The following DYRK1A variants were observed in gnomAD, a reference collection of about 807,000 sequenced individuals.
DYRK1A encodes the protein dual specificity tyrosine phosphorylation regulated kinase 1A.
Under a neutral mutation model 79.7 loss-of-function variants are expected in DYRK1A, and 9 were observed. That is an observed-to-expected ratio of 0.11 (90% confidence interval 0.07 to 0.20). The LOEUF is 0.20. DYRK1A is among the 10% of genes least tolerant of loss of function. The probability of loss-of-function intolerance (pLI) is 1.00; values close to 1 mark genes in which losing one functional copy is unlikely to be tolerated. For missense variants in DYRK1A, 622 were observed against 956.0 expected (o/e 0.65, Z 4.61); for synonymous variants, 349 against 329.7 (o/e 1.06, Z -0.63).
chr21:37,396,590 T>C (rs926719494), intron 1 of DYRK1A, among the ~76,000 whole-genome samples: 1 of 152,084 alleles, frequency 6.6e-6, no homozygotes, highest in African/African-American at 2.4e-5. Flanking sequence ...TAGCGTAATA[T>C]TGAGGGAAAA....
chr21:37,468,018 C>G (rs1007463329), intron 2 of DYRK1A, among the ~76,000 whole-genome samples: 1 of 152,178 alleles, frequency 6.6e-6, no homozygotes, highest in Non-Finnish European at 1.5e-5. Flanking sequence ...CTATAGAGAT[C>G]AATGCAATTT....
intron 2 of DYRK1A, among the ~76,000 whole-genome samples, chr21:37,436,853 A>G (rs1479168284): frequency 1.3e-5 from 2 of 152,248 alleles, no homozygotes; most frequent in Admixed American, 6.5e-5. Context: ...AGAATTTATA[A>G]TTTAACAGAG....
At chr21:37,406,160 A>G (rs2050142112) in intron 1 of DYRK1A, among the ~76,000 whole-genome samples, 1 of 152,106 alleles carries the variant, frequency 6.6e-6, no homozygotes, top group Non-Finnish European at 1.5e-5. Flanking sequence ...AATGCCTCAA[A>G]TGTCAAGAAA....
intron 2 of DYRK1A, among the ~76,000 whole-genome samples, chr21:37,454,072 G>A (rs570705193): frequency 1.5e-5 from 2 of 133,334 alleles, no homozygotes; most frequent in Admixed American, 1.5e-4. Context: ...TTCATATTAT[G>A]AGATGTAGTC....
At chr21:37,373,137 G>A (rs1386224002) in intron 1 of DYRK1A, among the ~76,000 whole-genome samples, 2 of 151,846 alleles carry the variant, frequency 1.3e-5, no homozygotes, top group Non-Finnish European at 1.5e-5. Flanking sequence ...CCACTCCTTA[G>A]CCATGTCATC....
intron 2 of DYRK1A, among the ~76,000 whole-genome samples, chr21:37,442,063 C>T (rs540078410): frequency 4.6e-5 from 7 of 151,354 alleles, no homozygotes; most frequent in Non-Finnish European, 8.8e-5. Context: ...TCTGCTCTCT[C>T]GCATTGTTTC....
chr21:37,445,245 G>A (rs2051229452), intron 2 of DYRK1A, among the ~76,000 whole-genome samples: 1 of 152,158 alleles, frequency 6.6e-6, no homozygotes, highest in South Asian at 2.1e-4. Flanking sequence ...GAGTAAACAC[G>A]AATATAGGGA....
At chr21:37,507,406 G>A (rs916848043) in intron 11 of DYRK1A, among the ~76,000 whole-genome samples, 10 of 152,008 alleles carry the variant, frequency 6.6e-5, no homozygotes, top group Admixed American at 2.0e-4. Flanking sequence ...GCACCTTTGC[G>A]TGTCCCCCTT....
At position 37,512,066 on chromosome 21, in the gene DYRK1A, T is replaced by TCAC. The variant is rs760576043; in HGVS notation, c.1815_1817dup (p.His610dup). On this transcript the variant is annotated inframe_insertion, in exon 12 of 12. Coordinates refer to ENST00000647188, the MANE Select transcript of DYRK1A (RefSeq NM_001347721.2). ...ACCATGGTAACAGTTCCCATCACCATCACCACCACCACCACCATCACCACC... is the reference window on the plus strand; with the variant it reads ...ACCATGGTAACAGTTCCCATCACCATCACCACCACCACCACCACCATCACCACC... 2.1e-5 allele frequency: 34 copies of TCAC among 1,613,838 alleles called. 1 individual carries two copies. Among genetic ancestry groups the TCAC allele is most frequent in the East Asian group, 8.9e-5 (4 of 44,880 alleles).
chr21:37,478,615 A>G (rs1057405860), intron 4 of DYRK1A, among the ~76,000 whole-genome samples: 1 of 152,084 alleles, frequency 6.6e-6, no homozygotes, highest in African/African-American at 2.4e-5. Context: ...CAAAACAAGA[A>G]AGGGGAATAA....
intron 2 of DYRK1A, among the ~76,000 whole-genome samples, chr21:37,469,990 A>C (rs748570164): frequency 2.7e-4 from 41 of 152,242 alleles, no homozygotes; most frequent in Non-Finnish European, 5.3e-4. Flanking sequence ...CTAAAAATAC[A>C]AAAAATTAGC....
chr21:37,441,729 A>G (rs1431307949), intron 2 of DYRK1A, among the ~76,000 whole-genome samples: 8 of 152,014 alleles, frequency 5.3e-5, no homozygotes, highest in Non-Finnish European at 7.4e-5. Context: ...TATGTTATTA[A>G]CCTTACACTA....
chr21:37,384,781 A>G (rs1434222568), intron 1 of DYRK1A, among the ~76,000 whole-genome samples: 1 of 152,210 alleles, frequency 6.6e-6, no homozygotes, highest in Non-Finnish European at 1.5e-5. Context: ...TTTGGCAGAA[A>G]CGTGGAAGGT....
Position 37,505,319 on chromosome 21 carries a change from A to T in DYRK1A, c.1249A>T (p.Ile417Phe), listed in dbSNP as rs748516503. 1 of 1,613,880 alleles carries T rather than the reference A, an allele frequency of 6.2e-7. No individual in the cohort carries two copies. Among genetic ancestry groups the T allele is most frequent in the Non-Finnish European group, 8.5e-7 (1 of 1,179,930 alleles). Reference sequence around the variant, plus strand: ...ACCAGGAACCCGTAAACTTCATAACATTCTTGGAGTGGAAACAGGAGGACC... The same window carrying T: ...ACCAGGAACCCGTAAACTTCATAACTTTCTTGGAGTGGAAACAGGAGGACC... ...KPPGTRKLHN[I>F]LGVETGGPGG... Residue 417 changes from isoleucine to phenylalanine, a missense_variant, in exon 10 of 12, where the codon ATT (isoleucine) becomes TTT (phenylalanine). Physicochemically the swap from Ile to Phe is conservative, Grantham distance 21. Transcript: ENST00000647188.
chr21:37,391,330 A>C (rs1263084943), intron 1 of DYRK1A, among the ~76,000 whole-genome samples: 1 of 150,458 alleles, frequency 6.6e-6, no homozygotes, highest in Non-Finnish European at 1.5e-5. Context: ...TCAACTGTAG[A>C]CACTTATTCT....
intron 11 of DYRK1A, among the ~76,000 whole-genome samples, chr21:37,507,640 T>C (rs2053635503): frequency 6.6e-6 from 1 of 152,034 alleles, no homozygotes; most frequent in Non-Finnish European, 1.5e-5. Context: ...CTGGTTTCCT[T>C]GGCAGGATGT....
At chr21:37,467,106 G>GAAAAAAAAAAA (rs5843833) in intron 2 of DYRK1A, among the ~76,000 whole-genome samples, 2 of 130,756 alleles carry the variant, frequency 1.5e-5, no homozygotes, top group Non-Finnish European at 3.3e-5. Flanking sequence ...ATTTACAAAA[G>GAAAAAAAAAAA]AAAAAAAAAA....
At chr21:37,375,519 CTTTT>C (rs58948987) in intron 1 of DYRK1A, among the ~76,000 whole-genome samples, 2,183 of 81,384 alleles carry the variant, frequency 0.027, 13 homozygotes, top group South Asian at 0.057. Context: ...AGGAATATTA[CTTTT>C]TTTTTTTTTT....
intron 2 of DYRK1A, among the ~76,000 whole-genome samples, chr21:37,453,941 C>T (rs1249348864): frequency 1.3e-5 from 2 of 151,988 alleles, no homozygotes; most frequent in African/African-American, 2.4e-5. Flanking sequence ...TGATTTTTAG[C>T]ATTATTATAT....
Sources: allele counts gnomAD v4.1 joint callset (sites outside exome capture counted in the v4.1 genomes callset), GRCh38; gene constraint gnomAD v4.1.1; transcripts MANE v1.5; gene names NCBI Gene and HGNC (gene_info 2026-07-23, HGNC 2026-07-21).